NR3C2: variants seen among roughly 807,000 people sequenced by gnomAD.
NR3C2 encodes the protein nuclear receptor subfamily 3 group C member 2, also known as mineralocorticoid receptor.
NR3C2 carries 15 observed loss-of-function variants against 86.4 expected under a neutral mutation model. The ratio of observed to expected loss-of-function variants is 0.17; its 90% CI spans 0.12 to 0.27. NR3C2 has a LOEUF of 0.27. Ranked by LOEUF, NR3C2 falls within the 10% of genes least tolerant of loss-of-function variation. The pLI is 1.00. For missense variants in NR3C2, 960 were observed against 1,195.6 expected (o/e 0.80, Z 2.91); for synonymous variants, 458 against 450.5 (o/e 1.02, Z -0.21).
At chr4:148,233,316 T>C (rs1383638477) in intron 3 of NR3C2, among the ~76,000 whole-genome samples, 3 of 152,056 alleles carry the variant, frequency 2.0e-5, no homozygotes, top group Non-Finnish European at 2.9e-5. Flanking sequence ...TCTTTTCACT[T>C]GAACACTTAG....
intron 3 of NR3C2, among the ~76,000 whole-genome samples, chr4:148,239,368 C>A (rs967926083): frequency 1.3e-5 from 2 of 152,222 alleles, no homozygotes; most frequent in East Asian, 3.9e-4. Flanking sequence ...CAGGCCTATG[C>A]AAGGCATGGA....
intron 2 of NR3C2, among the ~76,000 whole-genome samples, chr4:148,417,974 C>A (rs1749093684): frequency 6.6e-6 from 1 of 152,028 alleles, no homozygotes; most frequent in African/African-American, 2.4e-5. Flanking sequence ...AAGCACAGGT[C>A]CCTATAATCA....
At position 148,122,261 on chromosome 4, in the gene NR3C2, A is replaced by C. The variant is rs145126401; in HGVS notation, c.2511-1973T>G. Among the ~76,000 whole-genome samples the C allele has an allele frequency of 2.5e-3, 388 of 152,234 alleles. 3 individuals carry two copies. The highest frequency in any genetic ancestry group is 9.0e-3 in the African/African-American group (374 of 41,532). ...TACCCATTTTTTCCTTCTCGCACTG[A>C]GTAACACCATTTTTATTCCTAATAA... On this transcript the variant is annotated intron_variant, in intron 6 of 8. Coordinates refer to ENST00000358102, the MANE Select transcript of NR3C2 (RefSeq NM_000901.5).
chr4:148,289,817 C>T (rs539735548), intron 2 of NR3C2, among the ~76,000 whole-genome samples: 8 of 152,080 alleles, frequency 5.3e-5, no homozygotes, highest in African/African-American at 1.7e-4. Flanking sequence ...TCTGATAATG[C>T]GAGGGAACAT....
At chr4:148,346,288 A>G (rs1744987807) in intron 2 of NR3C2, among the ~76,000 whole-genome samples, 1 of 152,140 alleles carries the variant, frequency 6.6e-6, no homozygotes, top group Non-Finnish European at 1.5e-5. Flanking sequence ...TTAGGAGGCT[A>G]TCAACATAGC....
intron 3 of NR3C2, among the ~76,000 whole-genome samples, chr4:148,210,605 A>AG (rs1199400879): frequency 2.6e-5 from 4 of 152,192 alleles, no homozygotes; most frequent in African/African-American, 9.7e-5. Flanking sequence ...ATATTCCCAA[A>AG]GGGGAAAAAA....
intron 6 of NR3C2, among the ~76,000 whole-genome samples, chr4:148,138,240 T>C (rs981259938): frequency 9.9e-5 from 15 of 152,202 alleles, no homozygotes; most frequent in East Asian, 1.9e-4. Flanking sequence ...TCTTCAACAA[T>C]TGAGCTCTTA....
At chr4:148,268,039 A>G (rs1326773018) in intron 2 of NR3C2, among the ~76,000 whole-genome samples, 8 of 150,430 alleles carry the variant, frequency 5.3e-5, no homozygotes, top group Non-Finnish European at 1.0e-4. Flanking sequence ...TCCTGAGTTC[A>G]AGCGATTGTC....
rs549786924 is a variant in NR3C2 at position 148,422,357 on chromosome 4, T to C, written c.1757+12747A>G. 7.9e-5 allele frequency among the ~76,000 whole-genome samples: 12 copies of C among 152,108 alleles called. 1 individual carries two copies. The South Asian group carries it at 2.5e-3, about 32-fold the overall frequency. ...TTGTATCATATGATCATAAATTCTT[T>C]AGTCATACCTCAAATTTCCAAGAAC... On this transcript the variant is annotated intron_variant, in intron 2 of 8. Coordinates refer to ENST00000358102, the MANE Select transcript of NR3C2 (RefSeq NM_000901.5).
intron 2 of NR3C2, among the ~76,000 whole-genome samples, chr4:148,425,735 G>C (rs1412960417): frequency 6.6e-6 from 1 of 152,150 alleles, no homozygotes; most frequent in Non-Finnish European, 1.5e-5. Flanking sequence ...CACATAATCT[G>C]ATTTACGTTT....
intron 8 of NR3C2, among the ~76,000 whole-genome samples, chr4:148,103,613 T>C (rs1731641894): frequency 6.6e-6 from 1 of 152,222 alleles, no homozygotes. Flanking sequence ...AAAAGCCTCT[T>C]TCCAACAAGT....
At chr4:148,104,242 C>T (rs1731674109) in intron 8 of NR3C2, among the ~76,000 whole-genome samples, 1 of 151,696 alleles carries the variant, frequency 6.6e-6, no homozygotes, top group Admixed American at 6.6e-5. Context: ...TGAGTAAGAT[C>T]TCCCATGTCA....
At chr4:148,436,948 C>A in intron 1 of NR3C2, 86 bp from the exon 2 acceptor site, 1 of 1,074,554 alleles carries the variant, frequency 9.3e-7, no homozygotes, top group South Asian at 1.4e-5. Flanking sequence ...TTTGCTAAGC[C>A]ACAAAACATA....
At chr4:148,183,188 A>G (rs1315936716) in intron 4 of NR3C2, among the ~76,000 whole-genome samples, 2 of 152,174 alleles carry the variant, frequency 1.3e-5, no homozygotes, top group South Asian at 2.1e-4. Flanking sequence ...TCCATGGTGT[A>G]TATGTGTCAC....
At chr4:148,303,897 C>T (rs1351767375) in intron 2 of NR3C2, among the ~76,000 whole-genome samples, 1 of 152,204 alleles carries the variant, frequency 6.6e-6, no homozygotes, top group Non-Finnish European at 1.5e-5. Flanking sequence ...TCCCTAGATC[C>T]CCCTGTTAAC....
intron 3 of NR3C2, among the ~76,000 whole-genome samples, chr4:148,230,353 C>T (rs948226602): frequency 6.6e-6 from 1 of 152,040 alleles, no homozygotes; most frequent in Non-Finnish European, 1.5e-5. Flanking sequence ...GCCATCACAC[C>T]TGGCTAATTT....
intron 2 of NR3C2, among the ~76,000 whole-genome samples, chr4:148,362,309 A>G (rs903607660): frequency 6.6e-6 from 1 of 152,206 alleles, no homozygotes; most frequent in African/African-American, 2.4e-5. Flanking sequence ...TTCATATAGA[A>G]GGAGGATACT....
intron 2 of NR3C2, among the ~76,000 whole-genome samples, chr4:148,397,160 A>G (rs1207840906): frequency 1.3e-5 from 2 of 152,200 alleles, no homozygotes; most frequent in Non-Finnish European, 2.9e-5. Context: ...TGTGGCCAGC[A>G]AAGACCAGCC....
chr4:148,297,816 G>A (rs965917422), intron 2 of NR3C2, among the ~76,000 whole-genome samples: 1 of 151,874 alleles, frequency 6.6e-6, no homozygotes, highest in South Asian at 2.1e-4. Context: ...TTGAACCTGG[G>A]AGGCGGAGGT....
Sources: allele counts gnomAD v4.1 joint callset (sites outside exome capture counted in the v4.1 genomes callset), GRCh38; gene constraint gnomAD v4.1.1; transcripts MANE v1.5; gene names NCBI Gene and HGNC (gene_info 2026-07-23, HGNC 2026-07-21).